Variants in BCL2L13 observed in about 807,000 individuals in gnomAD.
BCL2L13 encodes BCL2 like 13, also known as bcl-2-like protein 13.
BCL2L13 carries 13 observed loss-of-function variants against 25.8 expected under a neutral mutation model. The ratio of observed to expected loss-of-function variants is 0.50; its 90% confidence interval spans 0.33 to 0.80. The LOEUF is 0.80. Among genes scored for constraint, BCL2L13 ranks in the 30% least tolerant of loss-of-function variants. The pLI, the probability that BCL2L13 is intolerant of heterozygous loss-of-function variation, is 0.02. For synonymous variants in BCL2L13, 244 were observed against 230.3 expected (o/e 1.06, Z -0.54); for missense variants, 504 against 574.9 (o/e 0.88, Z 1.26).
intron 2 of BCL2L13, among the ~76,000 whole-genome samples, chr22:17,673,969 G>A (rs1279630015): frequency 6.6e-6 from 1 of 152,102 alleles, no homozygotes; most frequent in Non-Finnish European, 1.5e-5. Context: ...TAGCTGTCAA[G>A]TATTTGAATA....
At chr22:17,643,962 G>T (rs1295115001) in intron 1 of BCL2L13, among the ~76,000 whole-genome samples, 1 of 151,288 alleles carries the variant, frequency 6.6e-6, no homozygotes, top group African/African-American at 2.5e-5. Flanking sequence ...AGGCTGGAGT[G>T]CAGTGGTGCA....
At chr22:17,637,675 G>A (rs2058135598), upstream of BCL2L13, among the ~76,000 whole-genome samples, 1 of 151,936 alleles carries the variant, frequency 6.6e-6, no homozygotes, top group Admixed American at 6.6e-5. Flanking sequence ...ACCACACCCG[G>A]CCTGTACTAT....
At chr22:17,651,499 C>A (rs2895949) in intron 1 of BCL2L13, among the ~76,000 whole-genome samples, 1 of 150,104 alleles carries the variant, frequency 6.7e-6, no homozygotes, top group African/African-American at 2.5e-5. Flanking sequence ...TTCCTGCCTC[C>A]GCCTCCCGAG....
chr22:17,717,405 C>G (rs2060977834), intron 6 of BCL2L13, among the ~76,000 whole-genome samples: 1 of 123,082 alleles, frequency 8.1e-6, no homozygotes, highest in Non-Finnish European at 1.7e-5. Context: ...GTTGTTGTTC[C>G]CTCTTCCGTG....
At position 17,657,044 on chromosome 22, in the gene BCL2L13, C is replaced by T. The variant is rs1412766584; in HGVS notation, c.121+1212C>T. Among the ~76,000 whole-genome samples the T allele has an allele frequency of 2.6e-5, 4 of 152,062 alleles. No individual in the cohort carries two copies. The East Asian group carries it at 7.7e-4, about 29-fold the overall frequency. ...CTGTTTCCCAGGCTGATCTCAAACT[C>T]CTGAGCTCAGGCAATCTGCCCGCCT... On this transcript the variant is annotated intron_variant, in intron 2 of 6. Transcript: ENST00000317582.
chr22:17,646,181 CAGAA>C (rs2058465242), intron 1 of BCL2L13, among the ~76,000 whole-genome samples: 1 of 151,436 alleles, frequency 6.6e-6, no homozygotes, highest in African/African-American at 2.5e-5. Flanking sequence ...GATTAAGGCA[CAGAA>C]AGAAACAGGT....
At chr22:17,720,030 G>A (rs2061068281) in intron 6 of BCL2L13, among the ~76,000 whole-genome samples, 1 of 152,180 alleles carries the variant, frequency 6.6e-6, no homozygotes, top group Non-Finnish European at 1.5e-5. Flanking sequence ...GGAGAATGGA[G>A]AGTGACTACC....
In BCL2L13 at chr22:17,641,517, G is replaced by T. The variant is rs767185739; in HGVS notation, c.-51+2631G>T. Among the ~76,000 whole-genome samples the T allele has an allele frequency of 9.9e-5, 15 of 152,130 alleles. 1 individual carries two copies. Among genetic ancestry groups the T allele is most frequent in the Non-Finnish European group, 1.6e-4 (11 of 68,020 alleles). ...CTTGGTTCTTTATGAACCGCAAAAGGATTGGAGTAGCTGATTTTTTTTAAC... is the reference window on the plus strand; with the variant it reads ...CTTGGTTCTTTATGAACCGCAAAAGTATTGGAGTAGCTGATTTTTTTTAAC... On this transcript the variant is annotated intron_variant, in intron 1 of 6. Transcript: ENST00000317582.
At chr22:17,647,718 GT>G (rs1314769584) in intron 1 of BCL2L13, among the ~76,000 whole-genome samples, 6 of 152,280 alleles carry the variant, frequency 3.9e-5, no homozygotes, top group Admixed American at 3.9e-4. Flanking sequence ...AATTGTTCTT[GT>G]TTCTCCATCT....
intron 4 of BCL2L13, among the ~76,000 whole-genome samples, chr22:17,693,124 G>A (rs896622476): frequency 4.6e-5 from 7 of 151,930 alleles, no homozygotes; most frequent in Admixed American, 4.6e-4. Context: ...TTCCGGCTAT[G>A]TGGGTTTGGG....
chr22:17,630,673 C>T (rs564540721), intron 1 of BCL2L13, among the ~76,000 whole-genome samples: 1 of 151,026 alleles, frequency 6.6e-6, no homozygotes, highest in African/African-American at 2.4e-5. Context: ...TCACCACAAC[C>T]TCCGCCTCCC....
chr22:17,693,099 T>A (rs1056848433), intron 4 of BCL2L13, among the ~76,000 whole-genome samples: 4 of 152,096 alleles, frequency 2.6e-5, no homozygotes, highest in African/African-American at 9.7e-5. Flanking sequence ...GAGTGTGAAT[T>A]CCTGCCTTGC....
rs1361986163 is a variant in BCL2L13, at chr22:17,651,266, A to G, written c.-50-4396A>G. Among the ~76,000 whole-genome samples the G allele has an allele frequency of 3.3e-5, 5 of 151,346 alleles. No individual in the cohort carries two copies. In the East Asian group the frequency reaches 5.9e-4, roughly 18 times the overall value. ...ACCCGCCTTGGCCTCCCAAAGTGCT[A>G]GGATTATAGGCGTGAGCCATGGCGC... is the stretch of plus-strand genomic sequence containing the variant. On this transcript the variant is annotated intron_variant, in intron 1 of 6. Transcript: ENST00000317582.
At chr22:17,666,431 A>ATTAT (rs1017673837) in intron 2 of BCL2L13, among the ~76,000 whole-genome samples, 7 of 151,860 alleles carry the variant, frequency 4.6e-5, no homozygotes, top group Non-Finnish European at 7.4e-5. Context: ...GGTCTTAGTC[A>ATTAT]TTATTTATTT....
At chr22:17,702,220 A>T in intron 5 of BCL2L13, 23 bp from the exon 6 acceptor site, 1 of 1,562,684 alleles carries the variant, frequency 6.4e-7, no homozygotes, top group Admixed American at 2.0e-5. Flanking sequence ...GTGGTTTTTT[A>T]TTCTCTCATC....
chr22:17,648,465 A>G (rs2058569513), intron 1 of BCL2L13, among the ~76,000 whole-genome samples: 1 of 152,048 alleles, frequency 6.6e-6, no homozygotes, highest in African/African-American at 2.4e-5. Flanking sequence ...TGGGACGCCA[A>G]GGTTGGAGGA....
chr22:17,642,571 C>T (rs1298661490), intron 1 of BCL2L13, among the ~76,000 whole-genome samples: 1 of 151,724 alleles, frequency 6.6e-6, no homozygotes, highest in Non-Finnish European at 1.5e-5. Context: ...GTGGACATAC[C>T]ACATTTTAAA....
At position 17,687,891 on chromosome 22, in the gene BCL2L13, C is replaced by T. The variant is rs565394928; in HGVS notation, c.230-1095C>T. Among the ~76,000 whole-genome samples the T allele has an allele frequency of 1.7e-4, 24 of 144,574 alleles. No homozygotes were observed. The South Asian group carries it at 4.6e-3, about 27-fold the overall frequency. 94.8% of individuals were successfully genotyped at this position (144,574 alleles called of 152,430 possible). ...AGAGTGCAATGGCACAATCTTGGCT[C>T]GCTGCAACCTCTATCTCCCAGGTTC... is the stretch of plus-strand genomic sequence containing the variant. On this transcript the variant is annotated intron_variant, in intron 3 of 6. Coordinates refer to ENST00000317582, the MANE Select transcript of BCL2L13 (RefSeq NM_015367.4).
At chr22:17,657,767 C>T (rs1405259820) in intron 2 of BCL2L13, among the ~76,000 whole-genome samples, 6 of 150,720 alleles carry the variant, frequency 4.0e-5, no homozygotes, top group African/African-American at 1.2e-4. Flanking sequence ...CCGCCTGCCT[C>T]GGCCTCCCAA....
Sources: gnomAD v4.1 joint callset for allele counts (sites outside exome capture counted in the v4.1 genomes callset) on GRCh38, gnomAD v4.1.1 for gene constraint, MANE v1.5 for transcripts, NCBI Gene and HGNC (gene_info 2026-07-23, HGNC 2026-07-21) for gene names.